The following WDR36 variants were observed in gnomAD, a reference collection of about 807,000 sequenced individuals.
The protein encoded by WDR36 is WD repeat-containing protein 36.
In WDR36, 63 loss-of-function variants were observed where a neutral mutation model predicts 112.7. The ratio of observed to expected loss-of-function variants is 0.56; its 90% confidence interval spans 0.46 to 0.69. The LOEUF (loss-of-function observed/expected upper bound fraction) is 0.69. WDR36 is among the 30% of genes least tolerant of loss of function. The probability of loss-of-function intolerance (pLI) is 0.00; values close to 1 mark genes in which losing one functional copy is unlikely to be tolerated. For missense variants in WDR36, 1,226 were observed against 1,070.3 expected, an observed-to-expected ratio of 1.15 and a Z score of -2.03; for synonymous variants, 410 against 362.2, an observed-to-expected ratio of 1.13 and a Z score of -1.50.
intron 6 of WDR36, among the ~76,000 whole-genome samples, chr5:111,102,990 C>T (rs1580393527): frequency 6.6e-6 from 1 of 151,466 alleles, no homozygotes; most frequent in Non-Finnish European, 1.5e-5. Context: ...ATATGTATTC[C>T]TTATCTTCTC....
intron 12 of WDR36, among the ~76,000 whole-genome samples, chr5:111,108,119 T>C (rs2112575951): frequency 6.6e-6 from 1 of 151,570 alleles, no homozygotes; most frequent in South Asian, 2.1e-4. Context: ...TTTCCATTTG[T>C]TTAGATCTTC....
intron 18 of WDR36, 96 bp downstream of exon 18, chr5:111,120,689 C>A: frequency 1.9e-6 from 2 of 1,032,894 alleles, no homozygotes; most frequent in East Asian, 2.4e-5. Flanking sequence ...TGCATTCAAT[C>A]AAAGTGTTTT....
intron 2 of WDR36, 33 bp downstream of exon 2, chr5:111,094,980 A>G (rs1454545901): frequency 1.3e-6 from 2 of 1,590,612 alleles, no homozygotes; most frequent in South Asian, 1.1e-5. Flanking sequence ...ATTTATGCAC[A>G]TCTAAACTTT....
In WDR36 at chr5:111,123,934, A is replaced by C; in HGVS notation, c.2268+10A>C. ...TAATGATCCCCAGCAGGTAAAAAAC[A>C]AATTAGAAGATTCTAAGTATATCGG... On this transcript the variant is annotated intron_variant, in intron 20 of 22. Coordinates refer to ENST00000513710, the MANE Select transcript of WDR36 (RefSeq NM_139281.3). The C allele has an allele frequency of 6.2e-7, 1 of 1,613,422 alleles. No homozygotes were observed.
chr5:111,102,467 A>C (rs1753140871), intron 6 of WDR36, 68 bp downstream of exon 6: 1 of 1,479,238 alleles, frequency 6.8e-7, no homozygotes, highest in South Asian at 1.1e-5. Flanking sequence ...TTCAGGAATC[A>C]ATCATAATTT....
At chr5:111,114,371 T>G (rs1753412598) in intron 16 of WDR36, among the ~76,000 whole-genome samples, 1 of 152,218 alleles carries the variant, frequency 6.6e-6, no homozygotes, top group South Asian at 2.1e-4. Context: ...TAAGCTCTGT[T>G]CACTTCCTCT....
Position 111,093,653 on chromosome 5 carries a change from A to T in WDR36, c.162+1035A>T, listed in dbSNP as rs371751272. Among the ~76,000 whole-genome samples the T allele has an allele frequency of 4.6e-5, 7 of 152,290 alleles. 1 individual carries two copies. Among genetic ancestry groups the T allele is most frequent in the East Asian group, 1.9e-4 (1 of 5,178 alleles). On this transcript the variant is annotated intron_variant, in intron 1 of 22. Coordinates refer to ENST00000513710, the MANE Select transcript of WDR36 (RefSeq NM_139281.3). ...TGCTAACTTTTGCTTTTGCTGGTTAATGTTTTCTTCCTTGAAATGTAATTT... is the reference window on the plus strand; with the variant it reads ...TGCTAACTTTTGCTTTTGCTGGTTATTGTTTTCTTCCTTGAAATGTAATTT...
At chr5:111,111,670 G>T in intron 15 of WDR36, 1 of 190,494 alleles carries the variant, frequency 5.2e-6, no homozygotes, top group Non-Finnish European at 1.1e-5. Flanking sequence ...TCTGGTATCT[G>T]GTTTATTTTA....
Position 111,121,118 on chromosome 5 carries a change from C to A in WDR36, c.2125C>A (p.Leu709Ile). 1 of 1,613,454 alleles carries A rather than the reference C, an allele frequency of 6.2e-7. No homozygotes were observed. The highest frequency in any genetic ancestry group is 8.5e-7 in the Non-Finnish European group (1 of 1,179,588). Residue 709 changes from leucine (L) to isoleucine (I), a missense_variant, in exon 19 of 23, where the codon CTT (leucine) becomes ATT (isoleucine). Coordinates refer to ENST00000513710, the MANE Select transcript of WDR36 (RefSeq NM_139281.3). The stretch of plus-strand genomic sequence containing the variant: ...TCTTCCTGAATCACGATGGAAAAAC[C>A]TTCTTAACCTTGATGTTATTAAGGT... ...SLLPESRWKN[L>I]LNLDVIKKKN...
At position 111,127,037 on chromosome 5, in the gene WDR36, A is replaced by G. The variant is rs1024175920; in HGVS notation, c.*154A>G. On this transcript the variant is annotated 3_prime_UTR_variant, in exon 23 of 23. Transcript: ENST00000513710. ...CTTTAAATGCTAAATACTTTCTTGA[A>G]ATAAAATCGCACCTCCCGGCCAGGC... 1 of 761,204 alleles carries G rather than the reference A, an allele frequency of 1.3e-6. No homozygotes were observed. Among genetic ancestry groups the G allele is most frequent in the African/African-American group, 1.8e-5 (1 of 55,296 alleles). 47.2% of individuals were successfully genotyped at this position (761,204 alleles called of 1,614,324 possible).
chr5:111,121,276 T>C, intron 19 of WDR36, 135 bp downstream of exon 19: 1 of 885,840 alleles, frequency 1.1e-6, no homozygotes, highest in Non-Finnish European at 1.8e-6. Flanking sequence ...GACAATGCTA[T>C]TTAATCAAAT....
At chr5:111,104,648 A>G (rs368338287) in intron 8 of WDR36, 49 bp from the exon 9 acceptor site, 11 of 1,610,052 alleles carry the variant, frequency 6.8e-6, no homozygotes, top group South Asian at 1.1e-5. Flanking sequence ...GACTGCTTGC[A>G]GATCAGATGG....
Position 111,101,518 on chromosome 5 carries a change from T to C in WDR36, c.542+797T>C, listed in dbSNP as rs529526572. Among the ~76,000 whole-genome samples the C allele has an allele frequency of 4.6e-5, 7 of 151,942 alleles. No individual in the cohort carries two copies. The East Asian group carries it at 7.7e-4, about 17-fold the overall frequency. Reference sequence around the variant, plus strand: ...TAATCTCCCATAGATATGGCAAATATCTAATATTGATGTAGCTAGAGGGCT... The same window carrying C: ...TAATCTCCCATAGATATGGCAAATACCTAATATTGATGTAGCTAGAGGGCT... On this transcript the variant is annotated intron_variant, in intron 5 of 22. Transcript: ENST00000513710.
chr5:111,130,465 A>G lies in WDR36; in HGVS notation c.*3582A>G, dbSNP rs1580409023. On this transcript the variant is annotated 3_prime_UTR_variant, in exon 23 of 23. Transcript: ENST00000513710. ...AGAGCTTTTGGTTTCATAGATTTTC[A>G]TATATATATATGATATAATAAACAC... The G allele has an allele frequency of 6.0e-6, 1 of 166,558 alleles. No homozygotes were observed. The highest frequency in any genetic ancestry group is 1.1e-4 in the East Asian group (1 of 9,070). 10.3% of individuals were successfully genotyped at this position (166,558 alleles called of 1,614,324 possible). A position where few individuals can be genotyped will look rare whatever the true frequency, so the allele number is the denominator to read the frequency against.
At chr5:111,119,568 G>A (rs12522383) in intron 17 of WDR36, among the ~76,000 whole-genome samples, 44,768 of 151,914 alleles carry the variant, frequency 0.29, 6,906 homozygotes, top group Middle Eastern at 0.43. Context: ...TTTTATAACC[G>A]TGTAAAGATA....
Position 111,113,049 on chromosome 5 carries a change from TATA to T in WDR36, c.1717-24_1717-22del, listed in dbSNP as rs766731501. 29 of 486,520 alleles carry T rather than the reference TATA, an allele frequency of 6.0e-5. No homozygotes were observed. In the African/African-American group the frequency reaches 8.9e-4, roughly 15 times the overall value. 30.1% of individuals were successfully genotyped at this position (486,520 alleles called of 1,614,324 possible). On this transcript the variant is annotated intron_variant, in intron 15 of 22. Transcript: ENST00000513710. ...TATATATAAATAATATATATATATA[TATA>T]TTTTTTTTTTTTAATTTAAAGGCTT... is the stretch of plus-strand genomic sequence containing the variant.
In WDR36 at chr5:111,103,871, A is replaced by T. The variant is rs372900947; in HGVS notation, c.683A>T (p.Lys228Met). The T allele has an allele frequency of 1.9e-6, 3 of 1,611,404 alleles. No individual in the cohort carries two copies. The highest frequency in any genetic ancestry group is 1.7e-5 in the Admixed American group (1 of 59,734). Residue 228 changes from lysine to methionine, a missense_variant, in exon 7 of 23, where the codon AAG becomes ATG. Transcript: ENST00000513710. ...ATTAAATTTAATGAAACATTAATGA[A>T]GTTTCGTCAAGACTGGGGACCCATT... ...HNIKFNETLM[K>M]FRQDWGPITS...
chr5:111,107,210 G>A, intron 11 of WDR36, 84 bp from the exon 12 acceptor site: 1 of 1,481,862 alleles, frequency 6.7e-7, no homozygotes, highest in Admixed American at 1.9e-5. Flanking sequence ...TATCCCTAGT[G>A]TCTGAAATAT....
At position 111,128,168 on chromosome 5, in the gene WDR36, A is replaced by T. The variant is rs975705298; in HGVS notation, c.*1285A>T. On this transcript the variant is annotated 3_prime_UTR_variant, in exon 23 of 23. Transcript: ENST00000513710. ...ACTATTCTTAGTTTATACCCTCAAA[A>T]GTTGGGTCTTTCATGAAACACAGTG... is the stretch of plus-strand genomic sequence containing the variant. 5.2e-6 allele frequency: 1 copy of T among 191,708 alleles called. No individual in the cohort carries two copies. The highest frequency in any genetic ancestry group is 6.1e-5 in the Admixed American group (1 of 16,268). The allele number at this position is 191,708 out of a possible 1,614,324, so 11.9% of individuals were successfully genotyped here. A position where few individuals can be genotyped will look rare whatever the true frequency, so the allele number is the denominator to read the frequency against.
Sources: gnomAD v4.1 joint callset for allele counts (sites outside exome capture counted in the v4.1 genomes callset) on GRCh38, gnomAD v4.1.1 for gene constraint, MANE v1.5 for transcripts, NCBI Gene and HGNC (gene_info 2026-07-23, HGNC 2026-07-21) for gene names.